SLIT3: variants seen among roughly 807,000 people sequenced by gnomAD.
SLIT3 encodes slit guidance ligand 3.
A neutral mutation model predicts 184.0 loss-of-function variants in SLIT3; 68 were observed. That is an observed-to-expected ratio of 0.37 (90% CI 0.30 to 0.45). The LOEUF is 0.45. Among genes scored for constraint, SLIT3 ranks in the 20% least tolerant of loss-of-function variants. The pLI is 1.00. For synonymous variants in SLIT3, 831 were observed against 828.6 expected (o/e 1.00, Z -0.05); for missense variants, 1,707 against 2,026.0 (o/e 0.84, Z 3.02).
chr5:169,146,995 T>G (rs1761947209), intron 4 of SLIT3, among the ~76,000 whole-genome samples: 1 of 152,238 alleles, frequency 6.6e-6, no homozygotes, highest in Non-Finnish European at 1.5e-5. Flanking sequence ...AGAAAACTAC[T>G]TAGCCTAGTG....
chr5:169,166,353 G>A (rs564338251), intron 4 of SLIT3, among the ~76,000 whole-genome samples: 1 of 152,246 alleles, frequency 6.6e-6, no homozygotes, highest in Admixed American at 6.5e-5. Context: ...TTAGCAGCGG[G>A]CACATCAAGG....
intron 32 of SLIT3, among the ~76,000 whole-genome samples, chr5:168,677,186 G>A (rs1300976985): frequency 2.6e-5 from 4 of 152,238 alleles, no homozygotes; most frequent in African/African-American, 9.6e-5. Context: ...CCTGCCAGCT[G>A]AGGGACCCTG....
chr5:168,732,756 G>T (rs1294043793), intron 20 of SLIT3, among the ~76,000 whole-genome samples: 2 of 152,220 alleles, frequency 1.3e-5, no homozygotes, highest in East Asian at 3.9e-4. Flanking sequence ...GGGAAAATTG[G>T]ATAGCCATAT....
intron 4 of SLIT3, among the ~76,000 whole-genome samples, chr5:169,088,672 T>C (rs926975611): frequency 2.9e-4 from 44 of 151,944 alleles, no homozygotes; most frequent in Non-Finnish European, 1.3e-4. Flanking sequence ...CCTGGCTGGG[T>C]ATCCAAATCT....
At chr5:169,008,580 T>A (rs940788782) in intron 4 of SLIT3, among the ~76,000 whole-genome samples, 5 of 152,190 alleles carry the variant, frequency 3.3e-5, no homozygotes, top group Admixed American at 3.3e-4. Context: ...AGCTACTGAC[T>A]TCCCTTGTGA....
At chr5:168,722,874 A>C (rs376749445) in intron 22 of SLIT3, 59 bp downstream of exon 22, 81 of 1,305,372 alleles carry the variant, frequency 6.2e-5, no homozygotes, top group Non-Finnish European at 4.8e-5. Flanking sequence ...GGAGGGAAAG[A>C]GTAACCATCT....
chr5:168,667,969 C>T (rs1274867772), intron 35 of SLIT3, among the ~76,000 whole-genome samples: 1 of 152,098 alleles, frequency 6.6e-6, no homozygotes, highest in Non-Finnish European at 1.5e-5. Context: ...TTCTGTAAGT[C>T]TGAAATTATT....
intron 26 of SLIT3, among the ~76,000 whole-genome samples, chr5:168,705,782 G>C (rs1267438836): frequency 3.3e-5 from 5 of 152,180 alleles, no homozygotes; most frequent in African/African-American, 4.8e-5. Flanking sequence ...AGTGTAGCTG[G>C]AAGAAGCCTG....
At chr5:169,173,051 C>T (rs1298475630) in intron 4 of SLIT3, among the ~76,000 whole-genome samples, 5 of 152,100 alleles carry the variant, frequency 3.3e-5, no homozygotes, top group Non-Finnish European at 1.5e-5. Context: ...ACCTTGAGGT[C>T]GGGAGTTCGA....
At chr5:168,979,697 A>G (rs997848988) in intron 4 of SLIT3, among the ~76,000 whole-genome samples, 3 of 152,326 alleles carry the variant, frequency 2.0e-5, no homozygotes, top group East Asian at 1.9e-4. Flanking sequence ...AGGATTCCCA[A>G]GGTGCTCTGT....
At position 168,691,419 on chromosome 5, in the gene SLIT3, A is replaced by C. The variant is rs191354154; in HGVS notation, c.3176+1188T>G. Among the ~76,000 whole-genome samples the C allele has an allele frequency of 1.3e-3, 204 of 152,322 alleles. 1 individual carries two copies. The highest frequency in any genetic ancestry group is 4.4e-3 in the African/African-American group (181 of 41,570). On this transcript the variant is annotated intron_variant, in intron 29 of 35. Transcript: ENST00000519560. ...TAGAATCATAGTCACAAATACCCCCAGAGTCTAACTCTCTGCCCTGTGACT... is the reference window on the plus strand; with the variant it reads ...TAGAATCATAGTCACAAATACCCCCCGAGTCTAACTCTCTGCCCTGTGACT...
At chr5:168,875,630 G>A (rs6879554) in intron 5 of SLIT3, among the ~76,000 whole-genome samples, 115,370 of 150,700 alleles carry the variant, frequency 0.77, 45,158 homozygotes, top group African/African-American at 0.93. Flanking sequence ...GCAAAACTCC[G>A]CCTTAAAAAA....
intron 4 of SLIT3, among the ~76,000 whole-genome samples, chr5:169,096,930 A>T (rs1190322254): frequency 6.6e-6 from 1 of 152,222 alleles, no homozygotes; most frequent in East Asian, 1.9e-4. Context: ...TCCTACTGTT[A>T]AAGGGAGAAG....
chr5:168,942,395 C>T (rs1762359309), intron 4 of SLIT3, among the ~76,000 whole-genome samples: 1 of 152,196 alleles, frequency 6.6e-6, no homozygotes, highest in Non-Finnish European at 1.5e-5. Context: ...CTATTATTTG[C>T]AAATGAGAAT....
At chr5:168,754,857 C>T (rs1055899545) in intron 16 of SLIT3, among the ~76,000 whole-genome samples, 1 of 152,132 alleles carries the variant, frequency 6.6e-6, no homozygotes, top group Non-Finnish European at 1.5e-5. Flanking sequence ...AATAGTGACT[C>T]TCAAACTTAT....
chr5:168,689,844 G>T (rs1160540792), intron 29 of SLIT3, among the ~76,000 whole-genome samples: 3 of 152,206 alleles, frequency 2.0e-5, no homozygotes, highest in Non-Finnish European at 4.4e-5. Context: ...ATGATAAAAT[G>T]TTGCACTGGA....
chr5:169,005,837 A>C (rs1177964639), intron 4 of SLIT3, among the ~76,000 whole-genome samples: 1 of 152,260 alleles, frequency 6.6e-6, no homozygotes. Context: ...AACGCAGCGC[A>C]AAAGGCTTCA....
intron 7 of SLIT3, among the ~76,000 whole-genome samples, chr5:168,822,574 G>T (rs758182415): frequency 7.2e-5 from 11 of 152,124 alleles, no homozygotes; most frequent in Non-Finnish European, 1.3e-4. Context: ...TCCTGACTGG[G>T]AGCAGAGGGG....
chr5:169,032,922 ATTTTTTTTTTT>A (rs199911562), intron 4 of SLIT3, among the ~76,000 whole-genome samples: 14,882 of 88,202 alleles, frequency 0.17, 1,040 homozygotes, highest in East Asian at 0.45. Flanking sequence ...TTTTTCCTTG[ATTTTTTTTTTT>A]TTTTTTTTTT....
Sources: gnomAD v4.1 joint callset for allele counts (sites outside exome capture counted in the v4.1 genomes callset) on GRCh38, gnomAD v4.1.1 for gene constraint, MANE v1.5 for transcripts, NCBI Gene and HGNC (gene_info 2026-07-23, HGNC 2026-07-21) for gene names.